The following TBC1D8 variants were observed in gnomAD, a reference collection of about 807,000 sequenced individuals.
The protein encoded by TBC1D8 is BUB2-like protein 1.
A neutral mutation model predicts 118.8 loss-of-function variants in TBC1D8; 65 were observed. The ratio of observed to expected loss-of-function variants is 0.55; its 90% CI spans 0.45 to 0.67. TBC1D8 has a LOEUF of 0.67. Ranked by LOEUF, TBC1D8 falls within the 30% of genes least tolerant of loss-of-function variation. TBC1D8 has a pLI of 0.00. For missense variants in TBC1D8, 1,376 were observed against 1,471.2 expected (o/e 0.94, Z 1.06); for synonymous variants, 566 against 595.8 (o/e 0.95, Z 0.73).
chr2:101,140,713 T>C (rs1679062964), intron 1 of TBC1D8, among the ~76,000 whole-genome samples: 1 of 152,168 alleles, frequency 6.6e-6, no homozygotes, highest in South Asian at 2.1e-4. Context: ...TAATGGATTA[T>C]TTTTGTATCC....
At chr2:101,011,170 C>T in intron 18 of TBC1D8, 144 bp from the exon 19 acceptor site, 6 of 811,324 alleles carry the variant, frequency 7.4e-6, no homozygotes, top group Non-Finnish European at 1.2e-5. Flanking sequence ...AGAGATTCCC[C>T]TGGAGAGCCA....
Position 101,144,396 on chromosome 2 carries a change from G to C in TBC1D8, c.127+6731C>G, listed in dbSNP as rs908497883. On this transcript the variant is annotated intron_variant, in intron 1 of 19. Coordinates refer to ENST00000409318, the MANE Select transcript of TBC1D8 (RefSeq NM_001330348.2). ...TTCACAAGAATTAGCCAGATGCTTGGGGGTGGGGGAGGAGACAGCCATGAG... is the reference window on the plus strand; with the variant it reads ...TTCACAAGAATTAGCCAGATGCTTGCGGGTGGGGGAGGAGACAGCCATGAG... Among the ~76,000 whole-genome samples the C allele has an allele frequency of 2.0e-5, 3 of 152,250 alleles. No individual in the cohort carries two copies. The East Asian group carries it at 5.8e-4, about 29-fold the overall frequency.
Position 101,007,520 on chromosome 2 carries a change from T to TTCA in TBC1D8, c.*298_*300dup, listed in dbSNP as rs1289396206. 8.3e-6 allele frequency: 3 copies of TTCA among 359,310 alleles called. No homozygotes were observed. The highest frequency in any genetic ancestry group is 6.2e-5 in the African/African-American group (3 of 48,506). The allele number at this position is 359,310 out of a possible 1,614,324, so 22.3% of individuals were successfully genotyped here. A position where few individuals can be genotyped will look rare whatever the true frequency, so the allele number is the denominator to read the frequency against. ...TTCTTGGTTAGTATGAGACATTGTG[T>TTCA]TCATCTGAGAGCAAAATCAACACTA... On this transcript the variant is annotated 3_prime_UTR_variant, in exon 20 of 20. Coordinates refer to ENST00000409318, the MANE Select transcript of TBC1D8 (RefSeq NM_001330348.2).
intron 3 of TBC1D8, among the ~76,000 whole-genome samples, chr2:101,055,024 G>A (rs1682337070): frequency 6.6e-6 from 1 of 151,926 alleles, no homozygotes; most frequent in Non-Finnish European, 1.5e-5. Flanking sequence ...GCATATGAGG[G>A]TAAAAGGACT....
In TBC1D8 at chr2:101,007,977, T is replaced by C; in HGVS notation, c.3312A>G (p.Leu1104=). ...ATGACTGTTCAGTCAGAAGTGAAGC[T>C]AAAATATGTTCAAGGGAGACAGTCC... is the stretch of plus-strand genomic sequence containing the variant. ...RDWTVSLEHI[L]ASLLTEQSLV... The change falls in exon 20 of 20, where the codon TTA becomes TTG. Residue 1104 remains leucine (L), a synonymous_variant. Coordinates refer to ENST00000409318, the MANE Select transcript of TBC1D8 (RefSeq NM_001330348.2). 6.2e-7 allele frequency: 1 copy of C among 1,614,036 alleles called. No homozygotes were observed. Among genetic ancestry groups the C allele is most frequent in the African/African-American group, 1.3e-5 (1 of 75,056 alleles).
At chr2:101,049,980 C>G (rs1681955864) in intron 5 of TBC1D8, among the ~76,000 whole-genome samples, 2 of 151,860 alleles carry the variant, frequency 1.3e-5, no homozygotes, top group African/African-American at 4.8e-5. Context: ...GCGCCTGCCA[C>G]CACACCCAGC....
At chr2:101,041,726 A>T (rs902798299) in intron 5 of TBC1D8, among the ~76,000 whole-genome samples, 17 of 152,170 alleles carry the variant, frequency 1.1e-4, no homozygotes, top group African/African-American at 4.1e-4. Context: ...CAAAAAAAAA[A>T]TTAAAAAATT....
chr2:101,100,732 C>G (rs939841787), intron 1 of TBC1D8, among the ~76,000 whole-genome samples: 1 of 152,130 alleles, frequency 6.6e-6, no homozygotes, highest in Non-Finnish European at 1.5e-5. Context: ...AGAAATAACA[C>G]CACACGTCTA....
intron 9 of TBC1D8, among the ~76,000 whole-genome samples, chr2:101,035,456 G>A (rs1680948335): frequency 6.6e-6 from 1 of 152,202 alleles, no homozygotes. Flanking sequence ...CCCAATGGGT[G>A]CAGTGAGAGG....
intron 2 of TBC1D8, among the ~76,000 whole-genome samples, chr2:101,073,780 A>G (rs1344320082): frequency 6.6e-6 from 1 of 152,194 alleles, no homozygotes; most frequent in African/African-American, 2.4e-5. Flanking sequence ...CTAGCTTCAA[A>G]CTTTTCTTCT....
chr2:101,078,579 G>T (rs1675003983), intron 2 of TBC1D8, among the ~76,000 whole-genome samples: 1 of 152,012 alleles, frequency 6.6e-6, no homozygotes, highest in Non-Finnish European at 1.5e-5. Context: ...CTTTGGGGTA[G>T]GGGAAGGGCT....
intron 1 of TBC1D8, 26 bp from the exon 2 acceptor site, chr2:101,090,390 C>T (rs773140167): frequency 1.3e-5 from 21 of 1,612,574 alleles, no homozygotes; most frequent in Middle Eastern, 1.7e-4. Context: ...GAAGAAAGTG[C>T]ACCTGTGAGC....
intron 1 of TBC1D8, among the ~76,000 whole-genome samples, chr2:101,139,716 G>C (rs936957616): frequency 6.6e-6 from 1 of 152,094 alleles, no homozygotes. Flanking sequence ...CCTCTGCTCA[G>C]ACGGCTCTTT....
intron 1 of TBC1D8, among the ~76,000 whole-genome samples, chr2:101,122,071 C>CT (rs544230458): frequency 0.013 from 1,645 of 131,056 alleles, 22 homozygotes; most frequent in African/African-American, 0.034. Context: ...ATTTCTTTTT[C>CT]TTTTTTTTTT....
At position 101,054,672 on chromosome 2, in the gene TBC1D8, C is replaced by CTTTTTTTTTTTTTTTTTTTTTTTTTTT. The variant is rs34465252; in HGVS notation, c.403-337_403-336insAAAAAAAAAAAAAAAAAAAAAAAAAAA. On this transcript the variant is annotated intron_variant, in intron 3 of 19. Transcript: ENST00000409318. ...ACAAACAATCATTTTCTTTTCTTTT[C>CTTTTTTTTTTTTTTTTTTTTTTTTTTT]TTTTTTTTTTTTTTTTTTTTTTTTT... Among the ~76,000 whole-genome samples, 12 of 25,426 alleles carry CTTTTTTTTTTTTTTTTTTTTTTTTTTT rather than the reference C, an allele frequency of 4.7e-4. 1 individual carries two copies. The highest frequency in any genetic ancestry group is 1.5e-3 in the East Asian group (1 of 650). 16.7% of individuals were successfully genotyped at this position (25,426 alleles called of 152,430 possible).
At chr2:101,024,402 A>AT (rs34272976) in intron 15 of TBC1D8, among the ~76,000 whole-genome samples, 76,652 of 121,112 alleles carry the variant, frequency 0.63, 25,542 homozygotes, top group African/African-American at 0.77. Flanking sequence ...TGGGACTGTA[A>AT]TTTTTTTTTT....
chr2:101,032,031 G>A (rs754752652), intron 11 of TBC1D8, among the ~76,000 whole-genome samples: 6 of 152,136 alleles, frequency 3.9e-5, no homozygotes, highest in Non-Finnish European at 8.8e-5. Flanking sequence ...TTTTAATCCC[G>A]ACTCTGTAGG....
intron 1 of TBC1D8, among the ~76,000 whole-genome samples, chr2:101,093,238 A>G (rs1339830940): frequency 6.6e-6 from 1 of 152,222 alleles, no homozygotes; most frequent in East Asian, 1.9e-4. Context: ...GGTTATTAGT[A>G]GTTACATTTT....
intron 2 of TBC1D8, among the ~76,000 whole-genome samples, chr2:101,082,692 A>T (rs140987564): frequency 6.6e-6 from 1 of 152,364 alleles, no homozygotes; most frequent in Non-Finnish European, 1.5e-5. Flanking sequence ...ACACTGCTCG[A>T]GCCCACTAAC....
Sources: gnomAD v4.1 joint callset for allele counts (sites outside exome capture counted in the v4.1 genomes callset) on GRCh38, gnomAD v4.1.1 for gene constraint, MANE v1.5 for transcripts, NCBI Gene and HGNC (gene_info 2026-07-23, HGNC 2026-07-21) for gene names.